The following TANC2 variants were observed in gnomAD, a reference collection of about 807,000 sequenced individuals.
TANC2 encodes tetratricopeptide repeat, ankyrin repeat and coiled-coil containing 2, also known as protein TANC2.
A neutral mutation model predicts 210.5 loss-of-function variants in TANC2; 26 were observed. The ratio of observed to expected loss-of-function variants is 0.12; its 90% CI spans 0.09 to 0.17. The LOEUF (loss-of-function observed/expected upper bound fraction) is 0.17, where lower values mean the gene tolerates loss of function less well. TANC2 is among the 10% of genes least tolerant of loss of function. TANC2 has a pLI of 1.00. For missense variants in TANC2, 2,129 were observed against 2,608.9 expected (o/e 0.82, Z 4.01); for synonymous variants, 931 against 967.1 (o/e 0.96, Z 0.69).
intron 1 of TANC2, among the ~76,000 whole-genome samples, chr17:62,983,085 A>G (rs1008834704): frequency 2.0e-5 from 3 of 152,118 alleles, no homozygotes; most frequent in African/African-American, 4.8e-5. Flanking sequence ...CCATTAGCAT[A>G]AGACATTTTT....
chr17:63,123,409 A>G (rs902626487), intron 4 of TANC2, among the ~76,000 whole-genome samples: 1 of 151,874 alleles, frequency 6.6e-6, no homozygotes, highest in Non-Finnish European at 1.5e-5. Context: ...TACAAAAAAA[A>G]TTAGCCAGAT....
chr17:63,403,006 T>C (rs1401860768), intron 19 of TANC2, among the ~76,000 whole-genome samples: 1 of 152,234 alleles, frequency 6.6e-6, no homozygotes, highest in African/African-American at 2.4e-5. Context: ...TGCTGCCAAA[T>C]GACATCATAA....
chr17:63,088,563 G>A (rs2037061822), intron 3 of TANC2: 1 of 152,170 alleles, frequency 6.6e-6, no homozygotes, highest in Non-Finnish European at 1.5e-5. Context: ...TGCTGTTGTC[G>A]AGTTTTCTCC....
chr17:63,092,588 C>T (rs181710944), intron 3 of TANC2, among the ~76,000 whole-genome samples: 236 of 152,124 alleles, frequency 1.6e-3, no homozygotes, highest in Middle Eastern at 3.4e-3. Flanking sequence ...GTGCTGGCAT[C>T]TGCTTGGCTT....
chr17:63,348,187 T>TAC (rs760988759), intron 12 of TANC2, among the ~76,000 whole-genome samples: 1 of 152,212 alleles, frequency 6.6e-6, no homozygotes, highest in Non-Finnish European at 1.5e-5. Context: ...TTCCTATATA[T>TAC]ACCAGTAAAA....
At chr17:63,298,025 A>T (rs1462989790) in intron 9 of TANC2, among the ~76,000 whole-genome samples, 1 of 152,132 alleles carries the variant, frequency 6.6e-6, no homozygotes, top group East Asian at 1.9e-4. Context: ...ACCCCCTAGG[A>T]TGGCTGTAAT....
intron 25 of TANC2, among the ~76,000 whole-genome samples, chr17:63,414,982 GA>G (rs2048815151): frequency 6.6e-6 from 1 of 152,152 alleles, no homozygotes; most frequent in Non-Finnish European, 1.5e-5. Context: ...CAAAAATGGG[GA>G]ACACTGATTG....
intron 7 of TANC2, among the ~76,000 whole-genome samples, chr17:63,210,188 C>T (rs928382642): frequency 7.9e-5 from 12 of 152,190 alleles, no homozygotes; most frequent in Admixed American, 4.6e-4. Context: ...CCAAGGCTGA[C>T]TCTCAGCCTT....
chr17:62,979,211 C>T (rs1008955926), intron 1 of TANC2, among the ~76,000 whole-genome samples: 5 of 152,076 alleles, frequency 3.3e-5, no homozygotes, highest in Admixed American at 2.6e-4. Flanking sequence ...TTTAATCTCA[C>T]GGTATACTTT....
intron 5 of TANC2, among the ~76,000 whole-genome samples, chr17:63,169,264 A>G (rs1039173105): frequency 6.6e-6 from 1 of 152,084 alleles, no homozygotes; most frequent in African/African-American, 2.4e-5. Context: ...ATTGCCTATT[A>G]CTTATGTTAG....
intron 4 of TANC2, among the ~76,000 whole-genome samples, chr17:63,136,909 C>G (rs1469958907): frequency 6.6e-6 from 1 of 151,946 alleles, no homozygotes; most frequent in Non-Finnish European, 1.5e-5. Context: ...GCAAGGGCAA[C>G]CAGAAGTTAC....
At chr17:63,194,598 T>A (rs1441009970) in intron 6 of TANC2, among the ~76,000 whole-genome samples, 3 of 152,214 alleles carry the variant, frequency 2.0e-5, no homozygotes, top group Admixed American at 6.5e-5. Context: ...TAGTTCAGAT[T>A]TTCTACTTTT....
chr17:62,983,200 T>G (rs1344548811), intron 1 of TANC2, among the ~76,000 whole-genome samples: 1 of 152,120 alleles, frequency 6.6e-6, no homozygotes, highest in Non-Finnish European at 1.5e-5. Flanking sequence ...ATTTTATATT[T>G]TGTAGCTATT....
chr17:63,338,618 A>C (rs1350857216), intron 11 of TANC2, among the ~76,000 whole-genome samples: 1 of 152,210 alleles, frequency 6.6e-6, no homozygotes, highest in African/African-American at 2.4e-5. Context: ...CTTTCTCTTT[A>C]GGTTCCTTAC....
intron 5 of TANC2, among the ~76,000 whole-genome samples, chr17:63,180,786 G>A (rs2040753230): frequency 6.6e-6 from 1 of 152,074 alleles, no homozygotes; most frequent in Non-Finnish European, 1.5e-5. Flanking sequence ...GCATTTGGGA[G>A]GCTGAGGCGG....
At chr17:63,038,005 G>A (rs1239593001) in intron 2 of TANC2, among the ~76,000 whole-genome samples, 3 of 152,000 alleles carry the variant, frequency 2.0e-5, no homozygotes, top group Non-Finnish European at 2.9e-5. Context: ...CAGTATGTAT[G>A]CTCTTTATTC....
chr17:63,304,929 G>T (rs1468767687), intron 9 of TANC2, among the ~76,000 whole-genome samples: 1 of 152,206 alleles, frequency 6.6e-6, no homozygotes, highest in Non-Finnish European at 1.5e-5. Flanking sequence ...ATCCTCCCTT[G>T]CTCCGGCAGG....
At chr17:63,340,981 A>G (rs1007907013) in intron 12 of TANC2, among the ~76,000 whole-genome samples, 3 of 152,154 alleles carry the variant, frequency 2.0e-5, no homozygotes, top group East Asian at 1.9e-4. Context: ...CCTAAGTGCA[A>G]CCATTTCCTT....
intron 2 of TANC2, 107 bp from the exon 3 acceptor site, chr17:63,073,836 A>G: frequency 3.2e-6 from 3 of 949,436 alleles, no homozygotes; most frequent in Non-Finnish European, 4.6e-6. Flanking sequence ...ATTATAGGAA[A>G]TACAAATAAA....
Sources: gnomAD v4.1 joint callset for allele counts (sites outside exome capture counted in the v4.1 genomes callset) on GRCh38, gnomAD v4.1.1 for gene constraint, MANE v1.5 for transcripts, NCBI Gene and HGNC (gene_info 2026-07-23, HGNC 2026-07-21) for gene names.